DPP6: variants seen among roughly 807,000 people sequenced by gnomAD.
DPP6 encodes the protein A-type potassium channel modulatory protein DPP6.
DPP6 carries 69 observed loss-of-function variants against 122.6 expected under a neutral mutation model. The ratio of observed to expected loss-of-function variants is 0.56; its 90% CI spans 0.46 to 0.69. DPP6 has a LOEUF of 0.69. Ranked by LOEUF, DPP6 falls within the 30% of genes least tolerant of loss-of-function variation. DPP6 has a pLI of 0.00. For synonymous variants in DPP6, 418 were observed against 433.1 expected (o/e 0.97, Z 0.43); for missense variants, 928 against 1,116.9 (o/e 0.83, Z 2.41).
chr7:154,286,492 C>T (rs1272309602), intron 1 of DPP6, among the ~76,000 whole-genome samples: 1 of 152,196 alleles, frequency 6.6e-6, no homozygotes, highest in African/African-American at 2.4e-5. Context: ...AGCCAGCCTT[C>T]ATCTATCAGG....
rs548857460 is a variant in DPP6 at position 154,587,764 on chromosome 7, A to G, written c.627+20848A>G. 12 of 1,597,730 alleles carry G rather than the reference A, an allele frequency of 7.5e-6. No homozygotes were observed. In the South Asian group the frequency reaches 1.1e-4, roughly 15 times the overall value. ...TCACCAGGGCTGTTTTCTTCATTAC[A>G]TCACCATGTCTCTTCCTCTTCACTG... On this transcript the variant is annotated intron_variant, in intron 5 of 25. Coordinates refer to ENST00000377770, the MANE Select transcript of DPP6 (RefSeq NM_130797.4).
chr7:154,374,860 C>T (rs1452036538), intron 1 of DPP6, among the ~76,000 whole-genome samples: 1 of 152,190 alleles, frequency 6.6e-6, no homozygotes, highest in African/African-American at 2.4e-5. Context: ...GATCTGCCCG[C>T]CTCAGCCTCC....
chr7:153,948,155 A>G (rs1802033569), intron 1 of DPP6, among the ~76,000 whole-genome samples: 1 of 152,160 alleles, frequency 6.6e-6, no homozygotes, highest in South Asian at 2.1e-4. Context: ...GATACAATCA[A>G]CTCATAAAAT....
Position 154,424,019 on chromosome 7 carries a change from T to C in DPP6, c.244-22195T>C, listed in dbSNP as rs79524478. On this transcript the variant is annotated intron_variant, in intron 1 of 25. Coordinates refer to ENST00000377770, the MANE Select transcript of DPP6 (RefSeq NM_130797.4). ...ATAATTGCCAGTTTTCCCACCAATG[T>C]GGACACATATATGAAAATTTTTTGA... Among the ~76,000 whole-genome samples, 1,389 of 152,308 alleles carry C rather than the reference T, an allele frequency of 9.1e-3. 16 individuals carry two copies. The highest frequency in any genetic ancestry group is 0.03 in the African/African-American group (1,254 of 41,562).
the DPP6 span, among the ~76,000 whole-genome samples, chr7:153,800,381 T>G: frequency 6.6e-6 from 1 of 152,170 alleles, no homozygotes; most frequent in Non-Finnish European, 1.5e-5. Flanking sequence ...GTTCATTTCA[T>G]GAAGGCAAAG....
At chr7:153,916,557 C>A (rs969692202) in intron 1 of DPP6, among the ~76,000 whole-genome samples, 1 of 151,704 alleles carries the variant, frequency 6.6e-6, no homozygotes, top group Non-Finnish European at 1.5e-5. Flanking sequence ...TACAGGTGCC[C>A]ACCATCACGC....
chr7:154,570,067 G>A (rs1831017479), intron 5 of DPP6, among the ~76,000 whole-genome samples: 1 of 151,856 alleles, frequency 6.6e-6, no homozygotes, highest in Non-Finnish European at 1.5e-5. Context: ...CCAGATTTAA[G>A]GCTCTATCCA....
chr7:154,547,963 C>A (rs1829328744), intron 4 of DPP6, among the ~76,000 whole-genome samples: 1 of 152,290 alleles, frequency 6.6e-6, no homozygotes, highest in South Asian at 2.1e-4. Flanking sequence ...AATCCCAGCA[C>A]TTTGGGAGGC....
chr7:154,435,417 T>A (rs1413338818), intron 1 of DPP6, among the ~76,000 whole-genome samples: 1 of 152,180 alleles, frequency 6.6e-6, no homozygotes, highest in Non-Finnish European at 1.5e-5. Flanking sequence ...CTCTTTGCCA[T>A]CTTCTGTGAG....
intron 1 of DPP6, among the ~76,000 whole-genome samples, chr7:154,143,430 A>T (rs1795940348): frequency 6.6e-6 from 1 of 151,154 alleles, no homozygotes; most frequent in Non-Finnish European, 1.5e-5. Context: ...TAAACAGTTC[A>T]GCATATCATT....
intron 1 of DPP6, among the ~76,000 whole-genome samples, chr7:153,911,214 C>T (rs573527441): frequency 2.0e-5 from 3 of 152,250 alleles, no homozygotes; most frequent in South Asian, 4.2e-4. Flanking sequence ...TCCCTGAAAC[C>T]GTCTTCACCC....
chr7:154,854,258 C>A (rs1802639539), intron 17 of DPP6, among the ~76,000 whole-genome samples: 1 of 152,148 alleles, frequency 6.6e-6, no homozygotes, highest in Non-Finnish European at 1.5e-5. Flanking sequence ...ATCCATGCTG[C>A]ACAGGATATC....
intron 3 of DPP6, among the ~76,000 whole-genome samples, chr7:154,539,863 T>C (rs1457837014): frequency 6.6e-6 from 1 of 152,132 alleles, no homozygotes. Context: ...TTTTGGGGAG[T>C]TGTTTTTTAT....
chr7:154,228,540 A>C (rs10275866), intron 1 of DPP6, among the ~76,000 whole-genome samples: 6,906 of 152,216 alleles, frequency 0.045, 271 homozygotes, highest in African/African-American at 0.1. Context: ...TGGGCAGGCT[A>C]TCAGAGAGAA....
intron 7 of DPP6, among the ~76,000 whole-genome samples, chr7:154,704,908 G>C (rs1840740437): frequency 6.6e-6 from 1 of 152,110 alleles, no homozygotes; most frequent in South Asian, 2.1e-4. Context: ...ATGGCTTTCT[G>C]TTTTTATCTT....
At chr7:154,169,481 GC>G (rs1797427728) in intron 1 of DPP6, among the ~76,000 whole-genome samples, 2 of 152,158 alleles carry the variant, frequency 1.3e-5, no homozygotes, top group African/African-American at 4.8e-5. Flanking sequence ...ATACATACCA[GC>G]TATGGGACTT....
chr7:154,013,277 ACT>A (rs1289968449), intron 1 of DPP6, among the ~76,000 whole-genome samples: 2 of 151,974 alleles, frequency 1.3e-5, no homozygotes, highest in African/African-American at 4.8e-5. Context: ...GTTACTCATG[ACT>A]CTATTATGAG....
intron 16 of DPP6, among the ~76,000 whole-genome samples, chr7:154,848,049 A>G (rs1232603061): frequency 1.3e-5 from 2 of 152,148 alleles, no homozygotes; most frequent in Non-Finnish European, 2.9e-5. Context: ...ATATGTACCT[A>G]TGTTTTAATA....
In DPP6 at chr7:154,483,757, C is replaced by T. The variant is rs1563742651; in HGVS notation, c.457+8720C>T. 6.6e-6 allele frequency among the ~76,000 whole-genome samples: 1 copy of T among 152,180 alleles called. No individual in the cohort carries two copies. Among genetic ancestry groups the T allele is most frequent in the Non-Finnish European group, 1.5e-5 (1 of 68,026 alleles). Reference sequence around the variant, plus strand: ...TCGCCCAGGCTGGAGTGCAGTGGCACAATCTTGGCTCACTGCAACCTCCAC... The same window carrying T: ...TCGCCCAGGCTGGAGTGCAGTGGCATAATCTTGGCTCACTGCAACCTCCAC... On this transcript the variant is annotated intron_variant, in intron 3 of 25. Coordinates refer to ENST00000377770, the MANE Select transcript of DPP6 (RefSeq NM_130797.4). This position sits in a 1 kb window ranked among gnomAD's most constrained non-coding sequence, Gnocchi z 8.1.
Sources: allele counts gnomAD v4.1 joint callset (sites outside exome capture counted in the v4.1 genomes callset), GRCh38; gene constraint gnomAD v4.1.1; non-coding constraint Gnocchi (gnomAD v3.1); transcripts MANE v1.5; gene names NCBI Gene and HGNC (gene_info 2026-07-23, HGNC 2026-07-21).